ZSCAN25: variants seen among roughly 807,000 people sequenced by gnomAD.
ZSCAN25 encodes the protein zinc finger and SCAN domain-containing protein 25.
ZSCAN25 carries 27 observed loss-of-function variants against 38.7 expected under a neutral mutation model. The ratio of observed to expected loss-of-function variants is 0.70; its 90% confidence interval spans 0.51 to 0.96. ZSCAN25 has a LOEUF of 0.96. Among genes scored for constraint, ZSCAN25 ranks in the 40% least tolerant of loss-of-function variants. ZSCAN25 has a pLI of 0.00. For missense variants in ZSCAN25, 637 were observed against 705.9 expected (o/e 0.90, Z 1.11); for synonymous variants, 273 against 277.7 (o/e 0.98, Z 0.17).
chr7:99,657,057 A>G, the ZSCAN25 span, among the ~76,000 whole-genome samples: 1 of 151,978 alleles, frequency 6.6e-6, no homozygotes, highest in Non-Finnish European at 1.5e-5. Flanking sequence ...ATTTTTTTGA[A>G]GGGTTTTTTT....
At chr7:99,693,542 C>T in the ZSCAN25 span, among the ~76,000 whole-genome samples, 1 of 152,242 alleles carries the variant, frequency 6.6e-6, no homozygotes, top group Non-Finnish European at 1.5e-5. Context: ...CCTTGCTGAG[C>T]TGCGGTGGGC....
chr7:99,667,327 A>G, the ZSCAN25 span, among the ~76,000 whole-genome samples: 5 of 152,126 alleles, frequency 3.3e-5, no homozygotes, highest in Admixed American at 3.3e-4. Context: ...TTTAATTGCA[A>G]ATGCTCCACG....
chr7:99,731,653 G>T, the ZSCAN25 span, among the ~76,000 whole-genome samples: 2 of 152,074 alleles, frequency 1.3e-5, no homozygotes, highest in African/African-American at 4.8e-5. Flanking sequence ...TTTAGAATTT[G>T]CTCAGAGGCT....
At chr7:99,713,633 C>T in the ZSCAN25 span, 1 of 1,536,376 alleles carries the variant, frequency 6.5e-7, no homozygotes, top group Non-Finnish European at 8.9e-7. Context: ...GAGAATATAG[C>T]CCCTTGGAGA....
chr7:99,704,995 G>A, the ZSCAN25 span: 1 of 157,984 alleles, frequency 6.3e-6, no homozygotes, highest in Admixed American at 6.1e-5. Context: ...CAGTCATTCA[G>A]TTCTATAGAT....
the ZSCAN25 span, chr7:99,652,849 C>G: frequency 1.7e-6 from 2 of 1,163,614 alleles, no homozygotes; most frequent in Admixed American, 4.2e-5. Flanking sequence ...CCATGCAGTA[C>G]TATTGAAGTA....
intron 7 of ZSCAN25, among the ~76,000 whole-genome samples, chr7:99,628,248 A>G (rs777727025): frequency 1.3e-5 from 2 of 152,232 alleles, no homozygotes; most frequent in Non-Finnish European, 2.9e-5. Flanking sequence ...TATGTATTTC[A>G]TATTTTATCA....
chr7:99,627,965 C>G (rs1807640899), intron 7 of ZSCAN25, among the ~76,000 whole-genome samples: 1 of 151,706 alleles, frequency 6.6e-6, no homozygotes, highest in Non-Finnish European at 1.5e-5. Context: ...TAAGAAAATT[C>G]TTTGCATAGT....
At chr7:99,707,671 C>T in the ZSCAN25 span, 1 of 1,393,706 alleles carries the variant, frequency 7.2e-7, no homozygotes, top group Non-Finnish European at 9.8e-7. Context: ...CCTTAAAGAT[C>T]ATAGATGGGT....
the ZSCAN25 span, chr7:99,666,669 C>T: frequency 6.2e-7 from 1 of 1,614,112 alleles, no homozygotes; most frequent in Admixed American, 1.7e-5. Context: ...CATCTCCATA[C>T]TGGGCAATGA....
At chr7:99,679,504 C>A in the ZSCAN25 span, among the ~76,000 whole-genome samples, 1 of 152,206 alleles carries the variant, frequency 6.6e-6, no homozygotes, top group East Asian at 1.9e-4. Context: ...CCATCATGAT[C>A]AGCAGTTTGT....
chr7:99,630,201 AC>A lies in ZSCAN25; in HGVS notation c.*184del. The A allele has an allele frequency of 7.3e-7, 1 of 1,378,500 alleles. No homozygotes were observed. The highest frequency in any genetic ancestry group is 9.3e-7 in the Non-Finnish European group (1 of 1,072,012). 85.4% of individuals were successfully genotyped at this position (1,378,500 alleles called of 1,614,324 possible). ...GAGAGCATAGCTGCTTCCATCTCTT[AC>A]CCAAGTGGTGCTAAACAATTTTTCT... On this transcript the variant is annotated 3_prime_UTR_variant, in exon 8 of 8. Transcript: ENST00000394152.
chr7:99,712,953 GA>G, the ZSCAN25 span, among the ~76,000 whole-genome samples: 3 of 152,044 alleles, frequency 2.0e-5, no homozygotes, highest in African/African-American at 7.2e-5. Flanking sequence ...CATTGCAAAG[GA>G]AAAAATAACT....
In ZSCAN25 at chr7:99,620,003, G is replaced by A; in HGVS notation, c.387+10G>A. On this transcript the variant is annotated intron_variant, in intron 4 of 7. Coordinates refer to ENST00000394152, the MANE Select transcript of ZSCAN25 (RefSeq NM_145115.3). ...ACTGGAGGCCAAGGCGGTGGGTGAG[G>A]AGGGGATCCAGGTCTGGCGCCCTTG... 1 of 1,606,340 alleles carries A rather than the reference G, an allele frequency of 6.2e-7. No homozygotes were observed. The highest frequency in any genetic ancestry group is 8.5e-7 in the Non-Finnish European group (1 of 1,177,396).
At chr7:99,659,638 G>C in the ZSCAN25 span, 4 of 152,614 alleles carry the variant, frequency 2.6e-5, no homozygotes, top group African/African-American at 7.2e-5. Context: ...AGAGGTTTCT[G>C]CTGCCTTTTG....
chr7:99,702,376 C>G, the ZSCAN25 span, among the ~76,000 whole-genome samples: 1 of 152,152 alleles, frequency 6.6e-6, no homozygotes, highest in Non-Finnish European at 1.5e-5. Context: ...CAGGCATGAG[C>G]CACCGTGTTT....
chr7:99,630,906 ACT>A lies in ZSCAN25; in HGVS notation c.*889_*890del, dbSNP rs1807950007. 1 of 980,006 alleles carries A rather than the reference ACT, an allele frequency of 1.0e-6. No homozygotes were observed. Among genetic ancestry groups the A allele is most frequent in the East Asian group, 1.1e-4 (1 of 8,794 alleles). 60.7% of individuals were successfully genotyped at this position (980,006 alleles called of 1,614,324 possible). A position where few individuals can be genotyped will look rare whatever the true frequency, so the allele number is the denominator to read the frequency against. ...TAATTAAAATGAGTCTGAAAGATGA[ACT>A]CTAGTATTAATGCCCTATATTTGAT... is the stretch of plus-strand genomic sequence containing the variant. On this transcript the variant is annotated 3_prime_UTR_variant, in exon 8 of 8. Transcript: ENST00000394152.
the ZSCAN25 span, among the ~76,000 whole-genome samples, chr7:99,681,672 A>T: frequency 6.6e-6 from 1 of 152,194 alleles, no homozygotes; most frequent in Non-Finnish European, 1.5e-5. Flanking sequence ...TTTTCCTTAC[A>T]GAGTTGTTTG....
the ZSCAN25 span, chr7:99,717,468 C>T: frequency 1.2e-6 from 2 of 1,604,746 alleles, no homozygotes; most frequent in Admixed American, 1.7e-5. Flanking sequence ...TACTTTCTAC[C>T]TGTCCCCACC....
Sources: gnomAD v4.1 joint callset for allele counts (sites outside exome capture counted in the v4.1 genomes callset) on GRCh38, gnomAD v4.1.1 for gene constraint, MANE v1.5 for transcripts, NCBI Gene and HGNC (gene_info 2026-07-23, HGNC 2026-07-21) for gene names.